LAMB4: variants seen among roughly 807,000 people sequenced by gnomAD.
LAMB4 encodes laminin subunit beta 4.
A neutral mutation model predicts 199.2 loss-of-function variants in LAMB4; 196 were observed. The ratio of observed to expected loss-of-function variants is 0.98; its 90% confidence interval spans 0.88 to 1.11. The LOEUF (loss-of-function observed/expected upper bound fraction) is 1.11. Ranked by LOEUF, LAMB4 falls within the 50% of genes least tolerant of loss-of-function variation. LAMB4 has a pLI of 0.00. For synonymous variants in LAMB4, 744 were observed against 770.6 expected, an observed-to-expected ratio of 0.97 and a Z score of 0.57; for missense variants, 2,080 against 2,171.2, an observed-to-expected ratio of 0.96 and a Z score of 0.83.
At position 108,081,508 on chromosome 7, in the gene LAMB4, C is replaced by T. The variant is rs547091307; in HGVS notation, c.1702-1722G>A. Among the ~76,000 whole-genome samples, 24 of 152,338 alleles carry T rather than the reference C, an allele frequency of 1.6e-4. No individual in the cohort carries two copies. The South Asian group carries it at 3.3e-3, about 21-fold the overall frequency. Reference sequence around the variant, plus strand: ...CTCTCTTAAGAGTATTCCTGAAGAACATTTCCTTAATAAATCACTTGCAGT... The same window carrying T: ...CTCTCTTAAGAGTATTCCTGAAGAATATTTCCTTAATAAATCACTTGCAGT... On this transcript the variant is annotated intron_variant, in intron 14 of 33. Transcript: ENST00000388781.
chr7:108,068,520 C>CTTTA (rs144879769), intron 18 of LAMB4, among the ~76,000 whole-genome samples: 35,156 of 151,854 alleles, frequency 0.23, 8,406 homozygotes, highest in African/African-American at 0.61. Context: ...ATACCTACTA[C>CTTTA]TTTATTTTTT....
In LAMB4 at chr7:108,048,085, T is replaced by A. The variant is rs201611192; in HGVS notation, c.4149A>T (p.Pro1383=). The A allele has an allele frequency of 9.9e-6, 16 of 1,613,044 alleles. No homozygotes were observed. The Admixed American group carries it at 2.2e-4, about 22-fold the overall frequency. Residue 1383 remains proline (P), a synonymous_variant, in exon 28 of 34, where the codon CCA becomes CCT. Transcript: ENST00000388781. ...CACCGCCACAGGGCAAGGGCACACA[T>A]GGCACATTTCCTGGATCTCCGCACA... ...EKVCGDPGNV[P]CVPLPCGGAL... is the part of the protein sequence containing the mutation.
chr7:108,054,501 T>C (rs1042137412), intron 25 of LAMB4, among the ~76,000 whole-genome samples: 1 of 152,162 alleles, frequency 6.6e-6, no homozygotes, highest in Non-Finnish European at 1.5e-5. Flanking sequence ...CTTCAACTAT[T>C]CCTTAATCCA....
intron 17 of LAMB4, among the ~76,000 whole-genome samples, chr7:108,075,188 A>T (rs755033778): frequency 1.1e-4 from 16 of 152,152 alleles, no homozygotes; most frequent in Non-Finnish European, 1.8e-4. Flanking sequence ...GGAGAAATGG[A>T]TTATATAGTT....
At chr7:108,056,276 G>T (rs1369377384) in intron 24 of LAMB4, among the ~76,000 whole-genome samples, 2 of 152,156 alleles carry the variant, frequency 1.3e-5, no homozygotes, top group Non-Finnish European at 2.9e-5. Flanking sequence ...CTACAAGTGG[G>T]ATCCTCATCT....
At chr7:108,113,289 C>T (rs182682101) in intron 3 of LAMB4, among the ~76,000 whole-genome samples, 140 of 152,258 alleles carry the variant, frequency 9.2e-4, no homozygotes, top group African/African-American at 3.1e-3. Context: ...CTGAATGGGG[C>T]AAGGACCTGG....
At position 108,052,372 on chromosome 7, in the gene LAMB4, C is replaced by T. The variant is rs575337564; in HGVS notation, c.3756-115G>A. On this transcript the variant is annotated intron_variant, in intron 25 of 33. Transcript: ENST00000388781. Reference sequence around the variant, plus strand: ...TAGGAATTCTTGATTAGAAGGGATTCCTTCTACTCGAGTTTTTCATTTGAC... The same window carrying T: ...TAGGAATTCTTGATTAGAAGGGATTTCTTCTACTCGAGTTTTTCATTTGAC... The T allele has an allele frequency of 7.1e-6, 5 of 708,398 alleles. No individual in the cohort carries two copies. In the East Asian group the frequency reaches 1.1e-4, roughly 15 times the overall value. The allele number at this position is 708,398 out of a possible 1,614,324, so 43.9% of individuals were successfully genotyped here. A position where few individuals can be genotyped will look rare whatever the true frequency, so the allele number is the denominator to read the frequency against.
chr7:108,120,871 T>G (rs1430568831), intron 2 of LAMB4, among the ~76,000 whole-genome samples: 1 of 152,256 alleles, frequency 6.6e-6, no homozygotes, highest in East Asian at 1.9e-4. Context: ...TGGCCAAACT[T>G]GTTTTTGTCA....
chr7:108,117,057 T>A (rs1346147948), intron 2 of LAMB4, among the ~76,000 whole-genome samples: 1 of 152,060 alleles, frequency 6.6e-6, no homozygotes, highest in Non-Finnish European at 1.5e-5. Context: ...CCAAAAACAA[T>A]CCTATCATTT....
At chr7:108,027,068 C>T (rs2034864234) in intron 33 of LAMB4, among the ~76,000 whole-genome samples, 1 of 152,068 alleles carries the variant, frequency 6.6e-6, no homozygotes. Context: ...ATGACATAAA[C>T]AATATGACAT....
intron 2 of LAMB4, among the ~76,000 whole-genome samples, chr7:108,122,219 C>T (rs754408819): frequency 6.6e-6 from 1 of 152,182 alleles, no homozygotes; most frequent in African/African-American, 2.4e-5. Context: ...GAGTGATCCT[C>T]AGTGGTCCCT....
At chr7:108,126,436 C>G (rs2038780811) in intron 1 of LAMB4, among the ~76,000 whole-genome samples, 1 of 151,710 alleles carries the variant, frequency 6.6e-6, no homozygotes, top group Admixed American at 6.6e-5. Context: ...TTTGACTACT[C>G]TAAGTATCTA....
At chr7:108,071,100 C>T (rs182651532) in intron 17 of LAMB4, among the ~76,000 whole-genome samples, 146 of 151,048 alleles carry the variant, frequency 9.7e-4, no homozygotes, top group Non-Finnish European at 1.6e-4. Flanking sequence ...TCACTCTCTT[C>T]CTCTCAACTC....
chr7:108,013,972 C>A, the LAMB4 span, among the ~76,000 whole-genome samples: 55,548 of 151,506 alleles, frequency 0.37, 11,416 homozygotes, highest in African/African-American at 0.58. Context: ...AAGTATGTAA[C>A]TCATGTATAT....
intron 12 of LAMB4, among the ~76,000 whole-genome samples, chr7:108,094,875 C>A (rs2037537468): frequency 6.6e-6 from 1 of 151,986 alleles, no homozygotes; most frequent in South Asian, 2.1e-4. Flanking sequence ...GGATTGTGTA[C>A]AAGGGATAGA....
chr7:108,029,120 A>C lies in LAMB4; in HGVS notation c.5069T>G (p.Leu1690Ter), dbSNP rs763464949. 1.4e-5 allele frequency: 23 copies of C among 1,613,866 alleles called. No individual in the cohort carries two copies. Among genetic ancestry groups the C allele is most frequent in the Non-Finnish European group, 8.5e-7 (1 of 1,179,928 alleles). Residue 1690 changes from leucine (L) to a stop codon, truncating the protein, a stop_gained, in exon 33 of 34, where the codon TTA becomes TGA. Coordinates refer to ENST00000388781, the MANE Select transcript of LAMB4 (RefSeq NM_007356.3). LOFTEE classifies it high-confidence loss of function. ...TSTTGLTKETLGKVKQLKDAA... is the reference protein window; with the variant it reads ...TSTTGLTKET Reference sequence around the variant, plus strand: ...ATCTTTTAGCTGTTTAACTTTTCCTAATGTCTCCTTTGTTAGTCCTGTAGT... The same window carrying C: ...ATCTTTTAGCTGTTTAACTTTTCCTCATGTCTCCTTTGTTAGTCCTGTAGT...
At chr7:108,085,706 C>T (rs373672227) in intron 14 of LAMB4, among the ~76,000 whole-genome samples, 10 of 152,036 alleles carry the variant, frequency 6.6e-5, no homozygotes, top group African/African-American at 1.9e-4. Flanking sequence ...CTCTGCCTCC[C>T]GGGTTCACGC....
At chr7:108,066,320 G>T (rs758599039) in intron 20 of LAMB4, 49 bp downstream of exon 20, 11 of 1,370,478 alleles carry the variant, frequency 8.0e-6, no homozygotes, top group Non-Finnish European at 1.1e-5. Flanking sequence ...TAGGAGATTG[G>T]AACAAAGTGT....
chr7:108,048,622 C>T lies in LAMB4; in HGVS notation c.4123-511G>A, dbSNP rs534952599. ...ATCAGTATTGTGTCAGTCTGTCATC[C>T]TTTATATTTATGGTTTTCTGAGAAA... is the stretch of plus-strand genomic sequence containing the variant. On this transcript the variant is annotated intron_variant, in intron 27 of 33. Coordinates refer to ENST00000388781, the MANE Select transcript of LAMB4 (RefSeq NM_007356.3). Among the ~76,000 whole-genome samples, 15 of 152,230 alleles carry T rather than the reference C, an allele frequency of 9.9e-5. No homozygotes were observed. In the South Asian group the frequency reaches 2.5e-3, roughly 25 times the overall value.
Sources: gnomAD v4.1 joint callset for allele counts (sites outside exome capture counted in the v4.1 genomes callset) on GRCh38, gnomAD v4.1.1 for gene constraint, MANE v1.5 for transcripts, NCBI Gene and HGNC (gene_info 2026-07-23, HGNC 2026-07-21) for gene names.